The following SPECC1L variants were observed in gnomAD, a reference collection of about 807,000 sequenced individuals.
SPECC1L encodes the protein cytospin-A.
SPECC1L carries 40 observed loss-of-function variants against 116.8 expected under a neutral mutation model. The ratio of observed to expected loss-of-function variants is 0.34; its 90% confidence interval spans 0.27 to 0.45. The LOEUF (loss-of-function observed/expected upper bound fraction) is 0.45, where lower values mean the gene tolerates loss of function less well. SPECC1L is among the 20% of genes least tolerant of loss of function. The pLI is 1.00. For missense variants in SPECC1L, 1,110 were observed against 1,373.6 expected, an observed-to-expected ratio of 0.81 and a Z score of 3.03; for synonymous variants, 504 against 500.6, an observed-to-expected ratio of 1.01 and a Z score of -0.09.
intron 2 of SPECC1L, among the ~76,000 whole-genome samples, chr22:24,280,230 A>G (rs1190363743): frequency 2.6e-5 from 4 of 152,210 alleles, no homozygotes; most frequent in African/African-American, 9.6e-5. Context: ...CTTGCTTTAC[A>G]TAATGACGAA....
At chr22:24,339,340 G>A (rs1372790106) in intron 10 of SPECC1L, among the ~76,000 whole-genome samples, 1 of 152,156 alleles carries the variant, frequency 6.6e-6, no homozygotes, top group African/African-American at 2.4e-5. Context: ...GAGTGGAAGG[G>A]GTGCACAAGG....
At chr22:24,397,698 T>C (rs1452301263) in intron 14 of SPECC1L, among the ~76,000 whole-genome samples, 1 of 152,220 alleles carries the variant, frequency 6.6e-6, no homozygotes, top group Non-Finnish European at 1.5e-5. Flanking sequence ...TTTTCAAATA[T>C]TAGTATTTGA....
Position 24,388,538 on chromosome 22 carries a change from A to G in SPECC1L, c.3087+19218A>G, listed in dbSNP as rs539867506. Among the ~76,000 whole-genome samples, 21 of 152,116 alleles carry G rather than the reference A, an allele frequency of 1.4e-4. 1 individual carries two copies. In the East Asian group the frequency reaches 3.5e-3, roughly 25 times the overall value. ...CTTTGCTATTGTGAATAGTGCCGCA[A>G]TAAACATACGTGTGCATGTGTCTTT... On this transcript the variant is annotated intron_variant, in intron 14 of 16. Coordinates refer to ENST00000314328, the MANE Select transcript of SPECC1L (RefSeq NM_015330.6).
At chr22:24,312,071 C>T (rs1020431300) in intron 3 of SPECC1L, among the ~76,000 whole-genome samples, 9 of 152,174 alleles carry the variant, frequency 5.9e-5, no homozygotes, top group African/African-American at 1.9e-4. Flanking sequence ...CGGGCTCAAG[C>T]GATCCTCTCA....
chr22:24,324,745 G>A (rs933935826), intron 6 of SPECC1L, among the ~76,000 whole-genome samples: 1 of 152,208 alleles, frequency 6.6e-6, no homozygotes, highest in African/African-American at 2.4e-5. Context: ...CAGCTACTTG[G>A]AAGGCTGAGG....
chr22:24,280,190 T>G (rs1436230868), intron 2 of SPECC1L, among the ~76,000 whole-genome samples: 1 of 152,190 alleles, frequency 6.6e-6, no homozygotes, highest in African/African-American at 2.4e-5. Flanking sequence ...CAGCCTCCCC[T>G]TGTACATGTA....
intron 2 of SPECC1L, among the ~76,000 whole-genome samples, chr22:24,294,892 G>A (rs1029189769): frequency 1.8e-4 from 28 of 152,266 alleles, no homozygotes; most frequent in African/African-American, 4.3e-4. Context: ...GATGTTGCAC[G>A]TAGAGTTTCC....
At chr22:24,281,844 T>A (rs2048949558) in intron 2 of SPECC1L, among the ~76,000 whole-genome samples, 1 of 152,216 alleles carries the variant, frequency 6.6e-6, no homozygotes, top group Non-Finnish European at 1.5e-5. Context: ...AACTGCCCAA[T>A]GGGTTCACCT....
intron 14 of SPECC1L, among the ~76,000 whole-genome samples, chr22:24,387,606 CAT>C (rs908003981): frequency 8.5e-5 from 13 of 152,148 alleles, no homozygotes; most frequent in African/African-American, 2.4e-4. Context: ...TTTTATGTCA[CAT>C]GTTTCTGATA....
chr22:24,322,456 G>A lies in SPECC1L; in HGVS notation c.1476G>A (p.Glu492=). Residue 492 remains glutamate (E), a synonymous_variant, in exon 5 of 17, where the codon GAG becomes GAA. Transcript: ENST00000314328. Reference sequence around the variant, plus strand: ...AAAGTGGGCGCTATATGGAATTAGAGCAACGTTACATGGACCTCGCTGAGA... The same window carrying A: ...AAAGTGGGCGCTATATGGAATTAGAACAACGTTACATGGACCTCGCTGAGA... The part of the protein sequence containing the change: ...DVKSGRYMEL[E]QRYMDLAENA... The A allele has an allele frequency of 1.2e-6, 2 of 1,614,198 alleles. No homozygotes were observed. The highest frequency in any genetic ancestry group is 1.3e-5 in the African/African-American group (1 of 75,058).
rs1272805371 is a variant in SPECC1L at position 24,289,232 on chromosome 22, T to G, written c.-38+12429T>G. On this transcript the variant is annotated intron_variant, in intron 2 of 16. Transcript: ENST00000314328. The stretch of plus-strand genomic sequence containing the variant: ...TAGTGGCCAGAGGAGACGCAAAATT[T>G]TTTGCATTCTGGCAGTTTGAACTTT... 2.0e-5 allele frequency among the ~76,000 whole-genome samples: 3 copies of G among 152,182 alleles called. No individual in the cohort carries two copies. The East Asian group carries it at 5.8e-4, about 29-fold the overall frequency.
chr22:24,383,748 T>C (rs2042103768), intron 14 of SPECC1L, among the ~76,000 whole-genome samples: 1 of 149,762 alleles, frequency 6.7e-6, no homozygotes, highest in Non-Finnish European at 1.5e-5. Context: ...GTGATGCTCC[T>C]GCCTTAACCT....
At chr22:24,323,001 G>A in intron 5 of SPECC1L, 83 bp downstream of exon 5, 1 of 1,564,236 alleles carries the variant, frequency 6.4e-7, no homozygotes, top group Non-Finnish European at 8.6e-7. Flanking sequence ...TGGGTTACTG[G>A]TTTGGTTTGG....
At position 24,322,445 on chromosome 22, in the gene SPECC1L, A is replaced by G. The variant is rs751641675; in HGVS notation, c.1465A>G (p.Met489Val). 1.9e-6 allele frequency: 3 copies of G among 1,614,212 alleles called. No homozygotes were observed. Among genetic ancestry groups the G allele is most frequent in the Admixed American group, 1.7e-5 (1 of 60,032 alleles). ...TGAAGATGTAAAAAGTGGGCGCTATATGGAATTAGAGCAACGTTACATGGA... is the reference window on the plus strand; with the variant it reads ...TGAAGATGTAAAAAGTGGGCGCTATGTGGAATTAGAGCAACGTTACATGGA... Reference protein sequence around the residue: ...IDEDVKSGRYMELEQRYMDLA... With the variant: ...IDEDVKSGRYVELEQRYMDLA... The change falls in exon 5 of 17, where the codon ATG (methionine) becomes GTG (valine). Residue 489 changes from methionine to valine, a missense_variant. Coordinates refer to ENST00000314328, the MANE Select transcript of SPECC1L (RefSeq NM_015330.6).
intron 14 of SPECC1L, among the ~76,000 whole-genome samples, chr22:24,376,576 G>A (rs1186098415): frequency 6.6e-6 from 1 of 152,066 alleles, no homozygotes; most frequent in Non-Finnish European, 1.5e-5. Context: ...CTAAATAAAT[G>A]GAAAGACATA....
At chr22:24,290,807 C>G (rs1472582194) in intron 2 of SPECC1L, among the ~76,000 whole-genome samples, 2 of 152,146 alleles carry the variant, frequency 1.3e-5, no homozygotes, top group Non-Finnish European at 2.9e-5. Context: ...CATAATTCAC[C>G]ATAAGAAAGG....
At chr22:24,381,027 T>G (rs2042053271) in intron 14 of SPECC1L, among the ~76,000 whole-genome samples, 2 of 152,236 alleles carry the variant, frequency 1.3e-5, no homozygotes, top group Admixed American at 1.3e-4. Flanking sequence ...AGACAACCAC[T>G]TTTAATTTTT....
chr22:24,321,169 C>G (rs2040713981), intron 4 of SPECC1L, 119 bp from the exon 5 acceptor site: 2 of 1,150,384 alleles, frequency 1.7e-6, no homozygotes, highest in Admixed American at 3.4e-5. Flanking sequence ...TATTGTAGAT[C>G]TAAATCATTG....
At chr22:24,311,096 C>T (rs2040452471) in intron 3 of SPECC1L, among the ~76,000 whole-genome samples, 1 of 152,138 alleles carries the variant, frequency 6.6e-6, no homozygotes, top group South Asian at 2.1e-4. Flanking sequence ...GACTCTGTTT[C>T]ACTAGTTTAT....
Sources: gnomAD v4.1 joint callset for allele counts (sites outside exome capture counted in the v4.1 genomes callset) on GRCh38, gnomAD v4.1.1 for gene constraint, MANE v1.5 for transcripts, NCBI Gene and HGNC (gene_info 2026-07-23, HGNC 2026-07-21) for gene names.